The following OXNAD1 variants were observed in gnomAD, a reference collection of about 807,000 sequenced individuals.
OXNAD1 encodes the protein oxidoreductase NAD binding domain containing 1.
In OXNAD1, 34 loss-of-function variants were observed where a neutral mutation model predicts 32.9. That is an observed-to-expected ratio of 1.03 (90% CI 0.79 to 1.38). The LOEUF is 1.38. Among genes scored for constraint, OXNAD1 ranks in the 40% most tolerant of loss-of-function variants. OXNAD1 has a pLI of 0.00. For missense variants in OXNAD1, 407 were observed against 379.4 expected (o/e 1.07, Z -0.60); for synonymous variants, 134 against 135.2 (o/e 0.99, Z 0.06).
intron 4 of OXNAD1, among the ~76,000 whole-genome samples, chr3:16,285,997 A>G (rs1045180526): frequency 3.9e-5 from 6 of 152,198 alleles, no homozygotes; most frequent in African/African-American, 1.4e-4. Context: ...GCTTGTTTAC[A>G]GAGTTCCAAT....
At position 16,269,280 on chromosome 3, in the gene OXNAD1, G is replaced by A. The variant is rs771437437; in HGVS notation, c.-9+5G>A. The A allele has an allele frequency of 2.8e-4, 423 of 1,534,532 alleles. 1 individual carries two copies. Among genetic ancestry groups the A allele is most frequent in the Non-Finnish European group, 3.3e-4 (379 of 1,146,214 alleles). On this transcript the variant is annotated splice_donor_5th_base_variant and intron_variant, in intron 2 of 8. Coordinates refer to ENST00000285083, the MANE Select transcript of OXNAD1 (RefSeq NM_138381.5). The stretch of plus-strand genomic sequence containing the variant: ...AAAATCTCGTGGACTTCTAAGGTAA[G>A]TTTCAACTTCTTTCTTTCAGGGATT...
intron 1 of OXNAD1, among the ~76,000 whole-genome samples, chr3:16,266,903 A>G (rs1360889782): frequency 6.6e-6 from 1 of 152,226 alleles, no homozygotes; most frequent in East Asian, 1.9e-4. Flanking sequence ...AGAAAGCAGG[A>G]AGGAGTCACA....
rs376599533 is a variant in OXNAD1 at position 16,286,456 on chromosome 3, A to C, written c.290+8A>C. ...CTTTAAAGCTGGCCAGTGGTAAGTG[A>C]CTTTTCTGTGTTCCATGTATGTATG... On this transcript the variant is annotated splice_region_variant and intron_variant, in intron 5 of 8. Transcript: ENST00000285083. The C allele has an allele frequency of 1.2e-6, 2 of 1,609,522 alleles. No homozygotes were observed. The highest frequency in any genetic ancestry group is 1.7e-5 in the Admixed American group (1 of 59,972).
intron 4 of OXNAD1, among the ~76,000 whole-genome samples, chr3:16,285,294 G>C (rs1023650332): frequency 2.0e-5 from 3 of 152,334 alleles, no homozygotes; most frequent in Non-Finnish European, 4.4e-5. Flanking sequence ...GCCTGCATGA[G>C]CTAGCATTAG....
chr3:16,275,861 G>C (rs1027397338), intron 4 of OXNAD1: 4 of 154,128 alleles, frequency 2.6e-5, no homozygotes, highest in Admixed American at 6.5e-5. Flanking sequence ...GCACTTCTTG[G>C]GTTTCCAAAG....
chr3:16,291,523 C>G (rs1283996837), intron 5 of OXNAD1, among the ~76,000 whole-genome samples: 1 of 152,180 alleles, frequency 6.6e-6, no homozygotes, highest in Admixed American at 6.5e-5. Flanking sequence ...AGTGTGTGGT[C>G]TTTTTGTGAT....
chr3:16,309,182 T>G (rs1299957481), downstream of OXNAD1, among the ~76,000 whole-genome samples: 3 of 152,234 alleles, frequency 2.0e-5, no homozygotes, highest in Non-Finnish European at 2.9e-5. Flanking sequence ...TACCATAATA[T>G]ACTTAACCAT....
rs1407543614 is a variant in OXNAD1, at chr3:16,280,617, A to T, written c.184-5725A>T. On this transcript the variant is annotated intron_variant, in intron 4 of 8. Coordinates refer to ENST00000285083, the MANE Select transcript of OXNAD1 (RefSeq NM_138381.5). This position sits in a 1 kb window ranked among gnomAD's most constrained non-coding sequence, Gnocchi z 4.5. ...TGAACCATACCTACATTTTTGTTTT[A>T]GGTCATCTCTAGTCATGGCTTTGCC... is the stretch of plus-strand genomic sequence containing the variant. 6.6e-6 allele frequency among the ~76,000 whole-genome samples: 1 copy of T among 152,098 alleles called. No individual in the cohort carries two copies. Among genetic ancestry groups the T allele is most frequent in the Admixed American group, 6.6e-5 (1 of 15,264 alleles).
chr3:16,323,410 CA>C, intron 9 of OXNAD1: 1 of 1,612,350 alleles, frequency 6.2e-7, no homozygotes, highest in Non-Finnish European at 8.5e-7. Flanking sequence ...CTGAGGTAGA[CA>C]AGGTCTCTGA....
At position 16,322,947 on chromosome 3, in the gene OXNAD1, CTT is replaced by C. The variant is rs2069242658; in HGVS notation, c.*31-14162_*31-14161del. Among the ~76,000 whole-genome samples the C allele has an allele frequency of 6.6e-6, 1 of 152,180 alleles. No individual in the cohort carries two copies. The highest frequency in any genetic ancestry group is 2.1e-4 in the South Asian group (1 of 4,826). On this transcript the variant is annotated intron_variant, in intron 9 of 9. Transcript: ENST00000435829. This position sits in a 1 kb window ranked among gnomAD's most constrained non-coding sequence, Gnocchi z 6.2. ...CAGGGTCTCTGCTTAGATCCCCACA[CTT>C]TTAATGTCCTAAGGAATCTTAACAG...
chr3:16,295,435 C>T (rs966268111), intron 6 of OXNAD1, among the ~76,000 whole-genome samples: 3 of 152,278 alleles, frequency 2.0e-5, no homozygotes, highest in Admixed American at 6.5e-5. Flanking sequence ...GCTAAATCCA[C>T]GGTGCCATTG....
In OXNAD1 at chr3:16,271,730, T is replaced by C; in HGVS notation, c.183+8T>C. On this transcript the variant is annotated splice_region_variant and intron_variant, in intron 4 of 8. Coordinates refer to ENST00000285083, the MANE Select transcript of OXNAD1 (RefSeq NM_138381.5). The surrounding 1 kb of genome is among the most constrained non-coding windows in gnomAD (Gnocchi z 4.6). ...AGTGTCCTTCGACGGGAGGTTTGTA[T>C]CTTTGGGGTATGACAGGTTTTTCCA... 1.2e-6 allele frequency: 2 copies of C among 1,604,382 alleles called. No homozygotes were observed. Among genetic ancestry groups the C allele is most frequent in the Non-Finnish European group, 1.7e-6 (2 of 1,177,482 alleles).
rs2067028522 is a variant in OXNAD1 at position 16,299,532 on chromosome 3, C to T, written c.433-2094C>T. Among the ~76,000 whole-genome samples the T allele has an allele frequency of 7.4e-6, 1 of 134,814 alleles. No individual in the cohort carries two copies. The highest frequency in any genetic ancestry group is 2.6e-5 in the African/African-American group (1 of 37,992). 88.4% of individuals were successfully genotyped at this position (134,814 alleles called of 152,430 possible). A position where few individuals can be genotyped will look rare whatever the true frequency, so the allele number is the denominator to read the frequency against. Reference sequence around the variant, plus strand: ...AAGAGTATCCATTCATTTAACAGTTCTTTACCAAAAAAGACATGTTTTTGT... The same window carrying T: ...AAGAGTATCCATTCATTTAACAGTTTTTTACCAAAAAAGACATGTTTTTGT... On this transcript the variant is annotated intron_variant, in intron 6 of 8. Transcript: ENST00000285083. The surrounding 1 kb of genome is among the most constrained non-coding windows in gnomAD (Gnocchi z 4.4).
Position 16,288,610 on chromosome 3 carries a change from C to G in OXNAD1, c.290+2162C>G, listed in dbSNP as rs557990478. 8.5e-5 allele frequency among the ~76,000 whole-genome samples: 13 copies of G among 152,296 alleles called. No homozygotes were observed. The South Asian group carries it at 2.7e-3, about 32-fold the overall frequency. On this transcript the variant is annotated intron_variant, in intron 5 of 8. Coordinates refer to ENST00000285083, the MANE Select transcript of OXNAD1 (RefSeq NM_138381.5). This position sits in a 1 kb window ranked among gnomAD's most constrained non-coding sequence, Gnocchi z 5.1. ...TTCTTACTGGGCCTTGCAGAGAGGG[C>G]TGGTTCCTGTAGCAATAAACCAGTT...
downstream of OXNAD1, among the ~76,000 whole-genome samples, chr3:16,306,542 CTTTTAT>C (rs2067572854): frequency 1.2e-5 from 1 of 85,010 alleles, no homozygotes; most frequent in South Asian, 3.8e-4. Flanking sequence ...AGGTTAATGT[CTTTTAT>C]TTTAATTAAT....
chr3:16,303,553 G>C lies in OXNAD1; in HGVS notation c.930G>C (p.Lys310Asn). 1 of 1,613,830 alleles carries C rather than the reference G, an allele frequency of 6.2e-7. No individual in the cohort carries two copies. The highest frequency in any genetic ancestry group is 8.5e-7 in the Non-Finnish European group (1 of 1,179,854). ...HVPKEHICFEKWW is the reference protein window; with the variant it reads ...HVPKEHICFENWW ...CCAAAGAACACATTTGCTTTGAGAA[G>C]TGGTGGTAGGAGGCAGACAAAGGCA... is the stretch of plus-strand genomic sequence containing the variant. Residue 310 changes from lysine to asparagine, a missense_variant, in exon 9 of 9, where the codon AAG (lysine) becomes AAC (asparagine). Lys to Asn is a moderately conservative substitution (Grantham distance 94). Transcript: ENST00000285083. The surrounding 1 kb of genome is among the most constrained non-coding windows in gnomAD (Gnocchi z 4.8).
At chr3:16,332,614 C>T (rs904365405) in intron 9 of OXNAD1, among the ~76,000 whole-genome samples, 2 of 152,170 alleles carry the variant, frequency 1.3e-5, no homozygotes, top group African/African-American at 2.4e-5. Flanking sequence ...GTTCACATCC[C>T]CCAACCTCCC....
chr3:16,316,037 A>G lies in OXNAD1; in HGVS notation c.*30+12445A>G, dbSNP rs998646026. ...GCATACATGGGTAACAACTTGACCA[A>G]TGTTACACTGATTAAAATAGCACAT... On this transcript the variant is annotated intron_variant, in intron 9 of 9. Coordinates refer to the OXNAD1 transcript ENST00000435829. This position sits in a 1 kb window ranked among gnomAD's most constrained non-coding sequence, Gnocchi z 4.5. 2.6e-5 allele frequency: 4 copies of G among 152,592 alleles called. No homozygotes were observed. Among genetic ancestry groups the G allele is most frequent in the Non-Finnish European group, 1.5e-5 (1 of 68,116 alleles). The allele number at this position is 152,592 out of a possible 1,614,324, so 9.5% of individuals were successfully genotyped here.
At chr3:16,349,828 T>G (rs1039656107) in exon 10 of OXNAD1, 1 of 152,238 alleles carries the variant, frequency 6.6e-6, no homozygotes, top group Non-Finnish European at 1.5e-5. Context: ...CTTACATGAC[T>G]GTGGAGGATG....
Sources: gnomAD v4.1 joint callset for allele counts (sites outside exome capture counted in the v4.1 genomes callset) on GRCh38, gnomAD v4.1.1 for gene constraint, Gnocchi (gnomAD v3.1) non-coding constraint, MANE v1.5 for transcripts, NCBI Gene and HGNC (gene_info 2026-07-23, HGNC 2026-07-21) for gene names.